DEFB124: variants seen among roughly 807,000 people sequenced by gnomAD.
The protein encoded by DEFB124 is defensin beta 124.
For missense variants in DEFB124, 78 were observed against 83.1 expected, an observed-to-expected ratio of 0.94 and a Z score of 0.24; for synonymous variants, 38 against 36.5, an observed-to-expected ratio of 1.04 and a Z score of -0.15.
At chr20:31,471,150 T>C (rs1377899571) in intron 2 of DEFB124, among the ~76,000 whole-genome samples, 1 of 103,894 alleles carries the variant, frequency 9.6e-6, no homozygotes, top group Non-Finnish European at 2.0e-5. Context: ...CCCCCCCACC[T>C]CCCTCCCGGA....
chr20:31,473,030 G>A lies in DEFB124; in HGVS notation c.-17C>T, dbSNP rs1265382113. The A allele has an allele frequency of 1.2e-6, 2 of 1,613,814 alleles. No individual in the cohort carries two copies. Among genetic ancestry groups the A allele is most frequent in the African/African-American group, 2.7e-5 (2 of 75,030 alleles). On this transcript the variant is annotated 5_prime_UTR_variant, in exon 2 of 3. Transcript: ENST00000317676. ...CTGTGTCATGGCCACGGGGCTCCTG[G>A]GGAGGCTGCTGGAGAGAGCACAAGA...
At chr20:31,474,283 G>A (rs1190471282) in intron 1 of DEFB124, among the ~76,000 whole-genome samples, 1 of 152,232 alleles carries the variant, frequency 6.6e-6, no homozygotes, top group Non-Finnish European at 1.5e-5. Flanking sequence ...AATGAAGGGT[G>A]CTGCACCACT....
chr20:31,465,586 G>A lies in DEFB124; in HGVS notation c.136C>T (p.His46Tyr). 1 of 1,614,208 alleles carries A rather than the reference G, an allele frequency of 6.2e-7. No individual in the cohort carries two copies. The highest frequency in any genetic ancestry group is 8.5e-7 in the Non-Finnish European group (1 of 1,180,040). ...CACAGGGACGCATCCGGGCACAGGTGCATGTAAGTTTCTTGCCTTGTGCAG... is the reference window on the plus strand; with the variant it reads ...CACAGGGACGCATCCGGGCACAGGTACATGTAAGTTTCTTGCCTTGTGCAG... ...TYCTRQETYM[H>Y]LCPDASLCCL... Residue 46 changes from histidine to tyrosine, a missense_variant, in exon 3 of 3, where the codon CAC becomes TAC. His to Tyr is a moderately conservative substitution (Grantham distance 83). Coordinates refer to ENST00000317676, the MANE Select transcript of DEFB124 (RefSeq NM_001037500.2).
intron 2 of DEFB124, chr20:31,472,602 C>A (rs924915344): frequency 5.0e-5 from 12 of 239,220 alleles, no homozygotes; most frequent in Middle Eastern, 1.5e-3. Context: ...CACTTATCAC[C>A]ACCCAACATA....
At chr20:31,473,959 GA>G (rs1980404951) in intron 1 of DEFB124, among the ~76,000 whole-genome samples, 1 of 152,196 alleles carries the variant, frequency 6.6e-6, no homozygotes. Flanking sequence ...GTTGCATCAT[GA>G]AAGATGAGTA....
intron 1 of DEFB124, among the ~76,000 whole-genome samples, 157 bp downstream of exon 1, chr20:31,474,470 G>A (rs1370965651): frequency 6.6e-6 from 1 of 152,176 alleles, no homozygotes; most frequent in Non-Finnish European, 1.5e-5. Context: ...ATGACAATGA[G>A]CCCCACCCAC....
intron 2 of DEFB124, among the ~76,000 whole-genome samples, chr20:31,472,005 G>T (rs1329087248): frequency 6.6e-6 from 1 of 152,206 alleles, no homozygotes; most frequent in African/African-American, 2.4e-5. Flanking sequence ...CGGGGTGGCG[G>T]CCGGGCAGAG....
intron 2 of DEFB124, among the ~76,000 whole-genome samples, chr20:31,468,635 C>T (rs1980143401): frequency 6.6e-6 from 1 of 152,024 alleles, no homozygotes; most frequent in Admixed American, 6.6e-5. Context: ...ACCACCACGC[C>T]CAACTAATTT....
chr20:31,473,150 G>A (rs1378840238), intron 1 of DEFB124, 112 bp from the exon 2 acceptor site: 1 of 911,564 alleles, frequency 1.1e-6, no homozygotes, highest in Non-Finnish European at 1.7e-6. Flanking sequence ...GCCTAAGTGG[G>A]AGTATGAGGC....
chr20:31,473,081 C>T, intron 1 of DEFB124, 43 bp from the exon 2 acceptor site: 7 of 1,568,732 alleles, frequency 4.5e-6, no homozygotes, highest in Middle Eastern at 2.0e-4. Context: ...GGCTGAGCCT[C>T]GCTGCTTCCA....
intron 1 of DEFB124, 31 bp from the exon 2 acceptor site, chr20:31,473,069 C>T: frequency 6.3e-7 from 1 of 1,593,588 alleles, no homozygotes; most frequent in South Asian, 1.1e-5. Context: ...AAGACCCGAG[C>T]AGGCTGAGCC....
intron 2 of DEFB124, among the ~76,000 whole-genome samples, chr20:31,471,634 T>A (rs1980313616): frequency 6.9e-6 from 1 of 144,018 alleles, no homozygotes; most frequent in South Asian, 2.2e-4. Flanking sequence ...GAGGGGCTCC[T>A]CACTTCTCAG....
chr20:31,468,056 G>T (rs566359520), intron 2 of DEFB124, among the ~76,000 whole-genome samples: 1 of 152,224 alleles, frequency 6.6e-6, no homozygotes, highest in African/African-American at 2.4e-5. Context: ...ACCCAGCCAA[G>T]AAATACTCTT....
At chr20:31,467,734 C>A (rs1384484391) in intron 2 of DEFB124, among the ~76,000 whole-genome samples, 2 of 152,118 alleles carry the variant, frequency 1.3e-5, no homozygotes, top group Non-Finnish European at 2.9e-5. Flanking sequence ...CCCTAGCTCC[C>A]AGGTGAGGAC....
intron 2 of DEFB124, among the ~76,000 whole-genome samples, chr20:31,470,661 C>T (rs1980241492): frequency 7.4e-6 from 1 of 134,382 alleles, no homozygotes; most frequent in Admixed American, 7.3e-5. Context: ...GGGGGCTGAA[C>T]CCCCCACCTC....
chr20:31,471,601 C>T (rs1980311437), intron 2 of DEFB124, among the ~76,000 whole-genome samples: 2 of 149,276 alleles, frequency 1.3e-5, no homozygotes, highest in South Asian at 2.1e-4. Context: ...TCCTCACTTC[C>T]CAGACGGGGT....
chr20:31,471,767 G>A (rs1980321811), intron 2 of DEFB124, among the ~76,000 whole-genome samples: 1 of 150,188 alleles, frequency 6.7e-6, no homozygotes, highest in African/African-American at 2.5e-5. Flanking sequence ...CCCAGACGGG[G>A]CGGCGGGGCA....
At chr20:31,470,002 T>G (rs1261322071) in intron 2 of DEFB124, among the ~76,000 whole-genome samples, 2 of 148,396 alleles carry the variant, frequency 1.3e-5, no homozygotes, top group Non-Finnish European at 3.0e-5. Flanking sequence ...GCAGAGGGGC[T>G]CCTCACTTCC....
intron 2 of DEFB124, among the ~76,000 whole-genome samples, chr20:31,471,729 C>G (rs1489573738): frequency 1.6e-4 from 22 of 139,394 alleles, no homozygotes; most frequent in Admixed American, 7.8e-4. Flanking sequence ...CAGACGGGGT[C>G]GCAGCCTGGC....
Sources: gnomAD v4.1 joint callset for allele counts (sites outside exome capture counted in the v4.1 genomes callset) on GRCh38, gnomAD v4.1.1 for gene constraint, MANE v1.5 for transcripts, NCBI Gene and HGNC (gene_info 2026-07-23, HGNC 2026-07-21) for gene names.